The following LARGE1 variants were observed in gnomAD, a reference collection of about 807,000 sequenced individuals.
LARGE1 encodes LARGE xylosyl- and glucuronyltransferase 1.
LARGE1 carries 43 observed loss-of-function variants against 87.6 expected under a neutral mutation model. The ratio of observed to expected loss-of-function variants is 0.49; its 90% CI spans 0.38 to 0.63. The LOEUF (loss-of-function observed/expected upper bound fraction) is 0.63, where lower values mean the gene tolerates loss of function less well. Ranked by LOEUF, LARGE1 falls within the 30% of genes least tolerant of loss-of-function variation. The pLI is 0.00. For missense variants in LARGE1, 802 were observed against 1,000.2 expected (o/e 0.80, Z 2.67); for synonymous variants, 434 against 394.6 (o/e 1.10, Z -1.18).
At chr22:33,731,758 T>TGATG (rs759537168) in intron 2 of LARGE1, among the ~76,000 whole-genome samples, 23 of 152,062 alleles carry the variant, frequency 1.5e-4, no homozygotes, top group Non-Finnish European at 3.1e-4. Flanking sequence ...GAAACAGAGG[T>TGATG]GATGGATTAT....
chr22:33,576,557 G>A (rs528847563), intron 5 of LARGE1, among the ~76,000 whole-genome samples: 1 of 151,974 alleles, frequency 6.6e-6, no homozygotes, highest in Non-Finnish European at 1.5e-5. Flanking sequence ...GCTTTATCAG[G>A]GTATGCCATA....
At position 33,447,211 on chromosome 22, in the gene LARGE1, A is replaced by G. The variant is rs183232853; in HGVS notation, c.788-14946T>C. ...CACCTGGCCCAGAATTGTGTTTTGA[A>G]GAGAACATCCTTGCCACTATGTGGA... On this transcript the variant is annotated intron_variant, in intron 6 of 14. Coordinates refer to ENST00000397394, the MANE Select transcript of LARGE1 (RefSeq NM_133642.5). Among the ~76,000 whole-genome samples, 189 of 152,346 alleles carry G rather than the reference A, an allele frequency of 1.2e-3. 1 individual carries two copies. The highest frequency in any genetic ancestry group is 3.4e-4 in the Non-Finnish European group (23 of 68,028).
intron 6 of LARGE1, among the ~76,000 whole-genome samples, chr22:33,519,296 G>C (rs2071459964): frequency 6.6e-6 from 1 of 151,958 alleles, no homozygotes; most frequent in Admixed American, 6.6e-5. Flanking sequence ...CCTCAAAGGA[G>C]ACCCAGGGGG....
At chr22:33,537,412 G>A (rs1291996050) in intron 6 of LARGE1, among the ~76,000 whole-genome samples, 1 of 151,908 alleles carries the variant, frequency 6.6e-6, no homozygotes, top group Non-Finnish European at 1.5e-5. Flanking sequence ...TCATTATATC[G>A]CTTCTTCTCT....
chr22:33,104,887 CTCTCTTTCTTTCTTTCTTTCTTTCTT>C, the LARGE1 span, among the ~76,000 whole-genome samples: 8,539 of 139,796 alleles, frequency 0.061, 472 homozygotes, highest in East Asian at 0.3. Context: ...TAGACTTTCT[CTCTCTTTCTTTCTTTCTTTCTTTCTT>C]TCTTTCTTTC....
intron 9 of LARGE1, among the ~76,000 whole-genome samples, chr22:33,358,436 T>G (rs1467610393): frequency 6.6e-6 from 1 of 152,170 alleles, no homozygotes; most frequent in African/African-American, 2.4e-5. Flanking sequence ...TATGCTGATA[T>G]ATGGTAGCCC....
chr22:33,569,136 C>T (rs2078118407), intron 5 of LARGE1, among the ~76,000 whole-genome samples: 1 of 152,234 alleles, frequency 6.6e-6, no homozygotes, highest in African/African-American at 2.4e-5. Context: ...TCAGCTTCCT[C>T]TCTCCTCTAG....
intron 1 of LARGE1, among the ~76,000 whole-genome samples, chr22:33,909,660 T>C (rs1371307283): frequency 6.6e-6 from 1 of 152,008 alleles, no homozygotes; most frequent in Non-Finnish European, 1.5e-5. Context: ...TGCCTCAGCC[T>C]CCCGAGTAGC....
At chr22:33,823,042 G>A (rs2062684088) in intron 1 of LARGE1, among the ~76,000 whole-genome samples, 1 of 152,186 alleles carries the variant, frequency 6.6e-6, no homozygotes, top group Non-Finnish European at 1.5e-5. Context: ...AGATGAATGT[G>A]TTGCACAAGA....
chr22:33,496,968 C>T (rs2070157022), intron 6 of LARGE1, among the ~76,000 whole-genome samples: 1 of 151,920 alleles, frequency 6.6e-6, no homozygotes, highest in Non-Finnish European at 1.5e-5. Flanking sequence ...TAAAAATAGG[C>T]TCTTTCTGAA....
chr22:33,077,940 TTCC>T, the LARGE1 span, among the ~76,000 whole-genome samples: 1 of 152,174 alleles, frequency 6.6e-6, no homozygotes, highest in African/African-American at 2.4e-5. Context: ...TTTGTTTCGT[TTCC>T]TTTTTTTTTT....
intron 3 of LARGE1, among the ~76,000 whole-genome samples, chr22:33,639,201 T>C (rs2080357902): frequency 6.6e-6 from 1 of 152,172 alleles, no homozygotes; most frequent in South Asian, 2.1e-4. Context: ...AAGCTCAAAC[T>C]AGCCCATGCA....
intron 7 of LARGE1, among the ~76,000 whole-genome samples, chr22:33,410,194 C>G (rs1388713869): frequency 6.6e-6 from 1 of 152,154 alleles, no homozygotes; most frequent in East Asian, 1.9e-4. Context: ...TTCCAACATG[C>G]AGCCATGATG....
intron 1 of LARGE1, among the ~76,000 whole-genome samples, chr22:33,770,133 T>C (rs116257223): frequency 0.012 from 1,837 of 152,352 alleles, 42 homozygotes; most frequent in African/African-American, 0.042. Context: ...TAGAATGTCA[T>C]AGATATTAAG....
intron 1 of LARGE1, among the ~76,000 whole-genome samples, chr22:33,799,277 C>A (rs2086082881): frequency 6.6e-6 from 1 of 152,120 alleles, no homozygotes. Context: ...GGGCATACCA[C>A]TGCCCACTGT....
chr22:33,365,451 G>C (rs1353000262), intron 9 of LARGE1, among the ~76,000 whole-genome samples: 2 of 152,088 alleles, frequency 1.3e-5, no homozygotes, highest in African/African-American at 2.4e-5. Flanking sequence ...GAACAGCGAG[G>C]CTATATATCT....
chr22:33,724,212 A>T (rs941809504), intron 2 of LARGE1: 5 of 152,618 alleles, frequency 3.3e-5, no homozygotes, highest in Non-Finnish European at 7.3e-5. Flanking sequence ...GATACGGCAC[A>T]TGACGCAGAG....
At chr22:33,083,611 A>G in the LARGE1 span, among the ~76,000 whole-genome samples, 1 of 152,222 alleles carries the variant, frequency 6.6e-6, no homozygotes, top group African/African-American at 2.4e-5. Flanking sequence ...AATATATAAT[A>G]TATCAGATAG....
At chr22:33,283,071 G>A (rs986422873) in intron 13 of LARGE1, 131 bp downstream of exon 13, 56 of 1,110,454 alleles carry the variant, frequency 5.0e-5, no homozygotes, top group Non-Finnish European at 6.6e-5. Context: ...TGGAGAAAGC[G>A]GTGCTTTCCT....
Sources: gnomAD v4.1 joint callset for allele counts (sites outside exome capture counted in the v4.1 genomes callset) on GRCh38, gnomAD v4.1.1 for gene constraint, MANE v1.5 for transcripts, NCBI Gene and HGNC (gene_info 2026-07-23, HGNC 2026-07-21) for gene names.